The following ANKRD35 variants were observed in gnomAD, a reference collection of about 807,000 sequenced individuals.
ANKRD35 encodes the protein ankyrin repeat domain-containing protein 35.
A neutral mutation model predicts 109.9 loss-of-function variants in ANKRD35; 102 were observed. That is an observed-to-expected ratio of 0.93 (90% CI 0.79 to 1.09). The LOEUF is 1.09. Among genes scored for constraint, ANKRD35 ranks in the 50% least tolerant of loss-of-function variants. The pLI, the probability that ANKRD35 is intolerant of heterozygous loss-of-function variation, is 0.00. For missense variants in ANKRD35, 1,240 were observed against 1,230.1 expected (o/e 1.01, Z -0.12); for synonymous variants, 515 against 512.4 (o/e 1.01, Z -0.07).
intron 1 of ANKRD35, among the ~76,000 whole-genome samples, chr1:145,884,060 G>A (rs73006865): frequency 0.039 from 5,982 of 152,242 alleles, 435 homozygotes; most frequent in African/African-American, 0.14. Flanking sequence ...ACTCATTCCA[G>A]CACCTTGGAA....
chr1:145,883,518 G>GT (rs1364182849), intron 1 of ANKRD35, among the ~76,000 whole-genome samples: 5 of 152,162 alleles, frequency 3.3e-5, no homozygotes, highest in African/African-American at 1.2e-4. Context: ...AGGAGTTGGG[G>GT]TTTTTTTGTG....
At chr1:145,880,024 C>G (rs1191206221) in intron 1 of ANKRD35, among the ~76,000 whole-genome samples, 9 of 152,150 alleles carry the variant, frequency 5.9e-5, no homozygotes, top group African/African-American at 2.2e-4. Flanking sequence ...CCGTCTCTCT[C>G]CTTTCCATGG....
Position 145,878,002 on chromosome 1 carries a change from G to C in ANKRD35, c.290C>G (p.Ser97Cys), listed in dbSNP as rs782721289. The change falls in exon 4 of 14, where the codon TCC (serine) becomes TGC (cysteine). Residue 97 changes from serine (S) to cysteine (C), a missense_variant. Physicochemically the swap from Ser to Cys is moderately radical, Grantham distance 112. Coordinates refer to ENST00000355594, the MANE Select transcript of ANKRD35 (RefSeq NM_144698.5). ...AACCTTAACACACTGTGGCTGGCAGGAGATGGTGGCCAAGTGTAGGGCAGT... is the reference window on the plus strand; with the variant it reads ...AACCTTAACACACTGTGGCTGGCAGCAGATGGTGGCCAAGTGTAGGGCAGT... Reference protein sequence around the residue: ...GSTALHLATISCQPQCVKVLL... With the variant: ...GSTALHLATICCQPQCVKVLL... The C allele has an allele frequency of 1.9e-6, 3 of 1,614,110 alleles. No individual in the cohort carries two copies. The highest frequency in any genetic ancestry group is 2.5e-6 in the Non-Finnish European group (3 of 1,179,998).
At chr1:145,880,447 A>C (rs1196543095) in intron 1 of ANKRD35, among the ~76,000 whole-genome samples, 7 of 152,148 alleles carry the variant, frequency 4.6e-5, no homozygotes, top group African/African-American at 1.7e-4. Context: ...GCCATTAAAC[A>C]CCTTTAACCT....
Position 145,872,017 on chromosome 1 carries a change from G to T in ANKRD35, c.2752C>A (p.His918Asn). The T allele has an allele frequency of 6.2e-7, 1 of 1,612,956 alleles. No individual in the cohort carries two copies. ...TTGTCTCGGCAAGCCCCAATGAGAT[G>T]CTCCATCTTCTCTTTCAGCAGCTCT... The part of the protein sequence containing the change: ...TAELLKEKME[H>N]LIGACRDKEA... Residue 918 changes from histidine (H) to asparagine (N), a missense_variant, in exon 10 of 14, where the codon CAT becomes AAT. By Grantham distance (68) the His-to-Asn change is moderately conservative (BLOSUM62 1). Transcript: ENST00000355594.
Position 145,879,306 on chromosome 1 carries a change from G to T in ANKRD35, c.122C>A (p.Ser41Tyr). The T allele has an allele frequency of 6.2e-7, 1 of 1,611,672 alleles. No individual in the cohort carries two copies. ...GDVGRVAALASRKSARPTKLD... is the reference protein window; with the variant it reads ...GDVGRVAALAYRKSARPTKLD... ...CTTGGTGGGTCGGGCAGATTTCCTG[G>T]AGGCCAGGGCAGCCACGCGTCCCAC... The change falls in exon 2 of 14, where the codon TCC (serine) becomes TAC (tyrosine). Residue 41 changes from serine (S) to tyrosine (Y), a missense_variant. Transcript: ENST00000355594.
chr1:145,868,541 T>C lies in ANKRD35; in HGVS notation c.2788-141A>G, dbSNP rs1045741262. The stretch of plus-strand genomic sequence containing the variant: ...CTCATTTAACACTCAAAACAGCTTT[T>C]CTTCTGTGTGGTGTTCACTAAAAGT... On this transcript the variant is annotated intron_variant, in intron 10 of 13. Coordinates refer to ENST00000355594, the MANE Select transcript of ANKRD35 (RefSeq NM_144698.5). 12 of 689,852 alleles carry C rather than the reference T, an allele frequency of 1.7e-5. 1 individual carries two copies. Among genetic ancestry groups the C allele is most frequent in the South Asian group, 1.7e-4 (9 of 52,050 alleles). 42.7% of individuals were successfully genotyped at this position (689,852 alleles called of 1,614,324 possible).
chr1:145,878,036 G>T lies in ANKRD35; in HGVS notation c.260-4C>A, dbSNP rs587595938. 30 of 1,613,784 alleles carry T rather than the reference G, an allele frequency of 1.9e-5. No homozygotes were observed. In the South Asian group the frequency reaches 3.2e-4, roughly 17 times the overall value. ...GCCAAGTGTAGGGCAGTGCTTCCTGGAACAGAAAGAAGGGGAGAAGGAGGG... is the reference window on the plus strand; with the variant it reads ...GCCAAGTGTAGGGCAGTGCTTCCTGTAACAGAAAGAAGGGGAGAAGGAGGG... On this transcript the variant is annotated splice_polypyrimidine_tract_variant and splice_region_variant and intron_variant, in intron 3 of 13. Transcript: ENST00000355594.
intron 6 of ANKRD35, 65 bp from the exon 7 acceptor site, chr1:145,876,311 G>T: frequency 6.7e-7 from 1 of 1,484,336 alleles, no homozygotes; most frequent in South Asian, 1.2e-5. Flanking sequence ...CAATCCTACC[G>T]GCTCCCCTCC....
At chr1:145,884,276 T>A (rs1553741551) in intron 1 of ANKRD35, among the ~76,000 whole-genome samples, 1 of 152,212 alleles carries the variant, frequency 6.6e-6, no homozygotes, top group African/African-American at 2.4e-5. Context: ...CATATAATAG[T>A]AAATACCTTT....
chr1:145,879,442 A>C (rs1654211058), intron 1 of ANKRD35, 54 bp from the exon 2 acceptor site: 1 of 1,384,884 alleles, frequency 7.2e-7, no homozygotes, highest in African/African-American at 1.5e-5. Context: ...AGTGTGGAGA[A>C]AGAAAAGAGG....
intron 1 of ANKRD35, among the ~76,000 whole-genome samples, chr1:145,883,111 T>C (rs1654354947): frequency 7.6e-6 from 1 of 132,122 alleles, no homozygotes. Flanking sequence ...TGAGACGGAG[T>C]CTTGCTCTTG....
intron 5 of ANKRD35, 29 bp from the exon 6 acceptor site, chr1:145,876,668 A>T (rs782737820): frequency 6.2e-7 from 1 of 1,613,690 alleles, no homozygotes; most frequent in Non-Finnish European, 8.5e-7. Flanking sequence ...GGTTAAGGGG[A>T]AGCATGAAGA....
chr1:145,884,578 G>GA (rs1225356825), intron 1 of ANKRD35, among the ~76,000 whole-genome samples: 1 of 151,916 alleles, frequency 6.6e-6, no homozygotes, highest in Non-Finnish European at 1.5e-5. Flanking sequence ...CTCTCTGTAA[G>GA]AGATCTCTAG....
In ANKRD35 at chr1:145,876,182, A is replaced by G; in HGVS notation, c.518T>C (p.Leu173Pro). 1 of 1,614,050 alleles carries G rather than the reference A, an allele frequency of 6.2e-7. No individual in the cohort carries two copies. Residue 173 changes from leucine to proline, a missense_variant, in exon 7 of 14, where the codon CTG (leucine) becomes CCG (proline). Coordinates refer to ENST00000355594, the MANE Select transcript of ANKRD35 (RefSeq NM_144698.5). ...GGHAAICSQL[L>P]QRGARVNVTD... ...AACATTAACTCGGGCGCCTCGCTGC[A>G]GCAGCTGTGAGCAGATAGCTGCGTG...
At chr1:145,870,901 C>T (rs1653785471) in intron 10 of ANKRD35, among the ~76,000 whole-genome samples, 1 of 151,846 alleles carries the variant, frequency 6.6e-6, no homozygotes, top group African/African-American at 2.4e-5. Flanking sequence ...GCCACCATGC[C>T]CGGCCTTTTT....
chr1:145,879,526 A>C, intron 1 of ANKRD35, 138 bp from the exon 2 acceptor site: 5 of 1,040,442 alleles, frequency 4.8e-6, no homozygotes, highest in Non-Finnish European at 6.4e-6. Flanking sequence ...ATCCTAGATC[A>C]TTTAGTCCTT....
Position 145,871,153 on chromosome 1 carries a change from C to CTTTTTT in ANKRD35, c.2787+823_2787+828dup, listed in dbSNP as rs59433424. Among the ~76,000 whole-genome samples the CTTTTTT allele has an allele frequency of 1.2e-3, 94 of 78,100 alleles. 1 individual carries two copies. Among genetic ancestry groups the CTTTTTT allele is most frequent in the African/African-American group, 1.8e-3 (39 of 21,448 alleles). The allele number at this position is 78,100 out of a possible 152,430, so 51.2% of individuals were successfully genotyped here. A position where few individuals can be genotyped will look rare whatever the true frequency, so the allele number is the denominator to read the frequency against. On this transcript the variant is annotated intron_variant, in intron 10 of 13. Transcript: ENST00000355594. ...TCTTTCTTTCTTTCTTTTCTTTTTT[C>CTTTTTT]TTTTTTTTTTTTTTTTTTTTTTTTT...
chr1:145,881,131 CA>C (rs1438987722), intron 1 of ANKRD35, among the ~76,000 whole-genome samples: 33 of 152,056 alleles, frequency 2.2e-4, no homozygotes, highest in Non-Finnish European at 4.1e-4. Flanking sequence ...ACTAAAAATA[CA>C]AAAAATTAGC....
Sources: gnomAD v4.1 joint callset for allele counts (sites outside exome capture counted in the v4.1 genomes callset) on GRCh38, gnomAD v4.1.1 for gene constraint, MANE v1.5 for transcripts, NCBI Gene and HGNC (gene_info 2026-07-23, HGNC 2026-07-21) for gene names.